ANK2: variants seen among roughly 807,000 people sequenced by gnomAD.
The protein encoded by ANK2 is ankyrin 2, also known as ankyrin-2.
In ANK2, 83 loss-of-function variants were observed where a neutral mutation model predicts 360.5. That is an observed-to-expected ratio of 0.23 (90% CI 0.19 to 0.28). The LOEUF (loss-of-function observed/expected upper bound fraction) is 0.28. Among genes scored for constraint, ANK2 ranks in the 10% least tolerant of loss-of-function variants. ANK2 has a pLI of 1.00. For synonymous variants in ANK2, 1,740 were observed against 1,759.5 expected, an observed-to-expected ratio of 0.99 and a Z score of 0.28; for missense variants, 4,201 against 4,795.7, an observed-to-expected ratio of 0.88 and a Z score of 3.66.
intron 2 of ANK2, among the ~76,000 whole-genome samples, chr4:112,996,175 A>G (rs2048447826): frequency 6.6e-6 from 1 of 152,212 alleles, no homozygotes; most frequent in African/African-American, 2.4e-5. Context: ...GAAGCCAGAC[A>G]TAAAATGAAT....
intron 1 of ANK2, among the ~76,000 whole-genome samples, chr4:112,842,637 G>A (rs1271270802): frequency 1.3e-5 from 2 of 152,174 alleles, no homozygotes; most frequent in Non-Finnish European, 2.9e-5. Flanking sequence ...GCTCCTATGA[G>A]AATCTAATGC....
intron 1 of ANK2, among the ~76,000 whole-genome samples, chr4:113,066,277 A>G (rs2075583191): frequency 6.6e-6 from 1 of 152,134 alleles, no homozygotes; most frequent in African/African-American, 2.4e-5. Flanking sequence ...GGCTGGACTC[A>G]TTCTGTAAGT....
intron 31 of ANK2, among the ~76,000 whole-genome samples, chr4:113,338,908 A>G (rs1314259833): frequency 6.6e-6 from 1 of 152,184 alleles, no homozygotes; most frequent in East Asian, 1.9e-4. Context: ...ATATTTAAAA[A>G]TAATCAGCTG....
intron 1 of ANK2, among the ~76,000 whole-genome samples, chr4:112,883,907 A>T (rs1219039844): frequency 2.0e-5 from 3 of 148,994 alleles, no homozygotes; most frequent in Admixed American, 6.7e-5. Context: ...TATATATATA[A>T]AATGATTCTC....
intron 1 of ANK2, among the ~76,000 whole-genome samples, chr4:113,052,509 C>T (rs896636173): frequency 1.3e-5 from 2 of 152,178 alleles, no homozygotes; most frequent in African/African-American, 2.4e-5. Flanking sequence ...AAAAGTACCT[C>T]TTCTGAGGGA....
chr4:112,993,712 AT>A (rs34394811), intron 2 of ANK2, among the ~76,000 whole-genome samples: 120,033 of 148,902 alleles, frequency 0.81, 48,292 homozygotes, highest in East Asian at 0.9. Flanking sequence ...TGGCAACTGC[AT>A]TTTTTTTTTT....
chr4:113,097,290 T>G (rs541001687), intron 1 of ANK2, among the ~76,000 whole-genome samples: 13 of 151,854 alleles, frequency 8.6e-5, no homozygotes, highest in Non-Finnish European at 1.9e-4. Flanking sequence ...CTGATAGATC[T>G]CTGTGCTAGA....
intron 1 of ANK2, among the ~76,000 whole-genome samples, chr4:112,858,904 C>T (rs2067137312): frequency 6.6e-6 from 1 of 152,148 alleles, no homozygotes; most frequent in Non-Finnish European, 1.5e-5. Context: ...GGGTCTCCTC[C>T]CGTAAAACCT....
At chr4:113,278,683 G>C (rs1284965770) in intron 17 of ANK2, 125 bp downstream of exon 17, 7 of 919,428 alleles carry the variant, frequency 7.6e-6, no homozygotes, top group Non-Finnish European at 1.2e-5. Flanking sequence ...GTAGCTTTTG[G>C]TATTGACACC....
At chr4:113,195,154 G>T (rs2098729987) in intron 2 of ANK2, among the ~76,000 whole-genome samples, 1 of 151,958 alleles carries the variant, frequency 6.6e-6, no homozygotes, top group Non-Finnish European at 1.5e-5. Flanking sequence ...CTCTAAATTT[G>T]GAGACCCTAT....
At chr4:112,942,751 C>T (rs959578099) in intron 2 of ANK2, among the ~76,000 whole-genome samples, 5 of 151,370 alleles carry the variant, frequency 3.3e-5, no homozygotes, top group Admixed American at 6.6e-5. Context: ...CTTATAATTT[C>T]GCAAATAAGT....
At chr4:113,234,719 A>T (rs3025745) in intron 5 of ANK2, among the ~76,000 whole-genome samples, 1 of 152,222 alleles carries the variant, frequency 6.6e-6, no homozygotes, top group Non-Finnish European at 1.5e-5. Flanking sequence ...TCAAGACATT[A>T]TGATCACTTT....
At chr4:113,190,839 A>G (rs2098649405) in intron 2 of ANK2, among the ~76,000 whole-genome samples, 1 of 152,178 alleles carries the variant, frequency 6.6e-6, no homozygotes, top group Non-Finnish European at 1.5e-5. Context: ...ATGATTTGCC[A>G]CTCACTTTTA....
the ANK2 span, among the ~76,000 whole-genome samples, chr4:112,750,472 G>A: frequency 6.6e-6 from 1 of 150,950 alleles, no homozygotes; most frequent in African/African-American, 2.4e-5. Context: ...ACAATATTCA[G>A]TATATATATA....
chr4:112,978,969 C>T (rs1008883089), intron 2 of ANK2, among the ~76,000 whole-genome samples: 1 of 152,174 alleles, frequency 6.6e-6, no homozygotes, highest in Non-Finnish European at 1.5e-5. Context: ...TTCTCTGGGA[C>T]CAGGTGTTCA....
chr4:112,974,623 T>C (rs148696003), intron 2 of ANK2, among the ~76,000 whole-genome samples: 15 of 152,356 alleles, frequency 9.8e-5, no homozygotes, highest in African/African-American at 3.6e-4. Flanking sequence ...GTGCTTTCTA[T>C]GCATCAGGAA....
At position 113,249,875 on chromosome 4, in the gene ANK2, G is replaced by C; in HGVS notation, c.990+13G>C. On this transcript the variant is annotated intron_variant, in intron 10 of 45. Coordinates refer to ENST00000357077, the MANE Select transcript of ANK2 (RefSeq NM_001148.6). ...GGCAAGGACTAAGGTGAGTCATTAT[G>C]AGTAAGATGGGGTCCTAAGAAATCT... 6.2e-7 allele frequency: 1 copy of C among 1,608,272 alleles called. No homozygotes were observed. The highest frequency in any genetic ancestry group is 1.7e-5 in the Admixed American group (1 of 59,956).
At chr4:113,092,592 A>G (rs2088945798) in intron 1 of ANK2, among the ~76,000 whole-genome samples, 1 of 6,250 alleles carries the variant, frequency 1.6e-4, no homozygotes, top group Non-Finnish European at 3.2e-4. Flanking sequence ...TGAATAAGTT[A>G]CTATGTTCTA....
chr4:112,834,101 T>A (rs968958983), intron 1 of ANK2, among the ~76,000 whole-genome samples: 2 of 152,216 alleles, frequency 1.3e-5, no homozygotes, highest in Non-Finnish European at 2.9e-5. Context: ...TAAAGAAATG[T>A]TTTATTATGA....
Sources: allele counts gnomAD v4.1 joint callset (sites outside exome capture counted in the v4.1 genomes callset), GRCh38; gene constraint gnomAD v4.1.1; transcripts MANE v1.5; gene names NCBI Gene and HGNC (gene_info 2026-07-23, HGNC 2026-07-21).